MCC: variants seen among roughly 807,000 people sequenced by gnomAD.
The protein encoded by MCC is MCC regulator of Wnt signaling pathway, also known as colorectal mutant cancer protein.
MCC carries 90 observed loss-of-function variants against 116.2 expected under a neutral mutation model. The observed-to-expected ratio is 0.77, with a 90% CI of 0.65 to 0.92. The LOEUF is 0.92. Among genes scored for constraint, MCC ranks in the 40% least tolerant of loss-of-function variants. The pLI is 0.00. For missense variants in MCC, 1,516 were observed against 1,312.2 expected (o/e 1.16, Z -2.40); for synonymous variants, 578 against 510.5 (o/e 1.13, Z -1.78).
At chr5:113,322,778 A>C (rs1004586847) in intron 3 of MCC, among the ~76,000 whole-genome samples, 1 of 152,206 alleles carries the variant, frequency 6.6e-6, no homozygotes, top group Non-Finnish European at 1.5e-5. Context: ...CAAACAAGAA[A>C]CAAGTAAGCA....
intron 6 of MCC, among the ~76,000 whole-genome samples, chr5:113,119,581 G>C (rs78136219): frequency 2.0e-5 from 3 of 152,196 alleles, no homozygotes; most frequent in African/African-American, 4.8e-5. Flanking sequence ...TGCGTGCTGA[G>C]GAAGCTAGAA....
At chr5:113,082,128 C>A (rs915892932) in intron 11 of MCC, among the ~76,000 whole-genome samples, 1 of 152,228 alleles carries the variant, frequency 6.6e-6, no homozygotes, top group African/African-American at 2.4e-5. Context: ...TGGCATGACA[C>A]ATAAGAGAGT....
intron 3 of MCC, among the ~76,000 whole-genome samples, chr5:113,215,300 G>A (rs986134916): frequency 1.3e-5 from 2 of 152,244 alleles, no homozygotes; most frequent in African/African-American, 4.8e-5. Flanking sequence ...AGGAAAGGGA[G>A]ATTAGAATGG....
intron 16 of MCC, among the ~76,000 whole-genome samples, chr5:113,045,750 G>A (rs1360792683): frequency 6.8e-6 from 1 of 147,090 alleles, no homozygotes; most frequent in African/African-American, 2.5e-5. Context: ...TGTGAGCTGA[G>A]ATCGCACCAC....
chr5:113,198,396 G>C (rs1389112039), intron 3 of MCC, among the ~76,000 whole-genome samples: 1 of 152,004 alleles, frequency 6.6e-6, no homozygotes, highest in Non-Finnish European at 1.5e-5. Context: ...TAACCTTTTA[G>C]AAATGTACAG....
intron 17 of MCC, among the ~76,000 whole-genome samples, chr5:113,040,239 A>G (rs1751607960): frequency 6.6e-6 from 1 of 151,928 alleles, no homozygotes; most frequent in Admixed American, 6.6e-5. Flanking sequence ...GAGAAGATAC[A>G]CTGAGAGAGC....
chr5:113,257,366 C>G (rs1033252020), intron 3 of MCC, among the ~76,000 whole-genome samples: 4 of 151,870 alleles, frequency 2.6e-5, no homozygotes, highest in African/African-American at 9.7e-5. Flanking sequence ...CTCCAAGGAA[C>G]CCAGGAATAA....
At chr5:113,034,218 C>T (rs570002346) in intron 17 of MCC, among the ~76,000 whole-genome samples, 2 of 152,104 alleles carry the variant, frequency 1.3e-5, no homozygotes, top group Admixed American at 6.5e-5. Flanking sequence ...TTAATTGAAA[C>T]GTAATGTGGT....
At position 113,488,251 on chromosome 5, in the gene MCC, A is replaced by C; in HGVS notation, c.164T>G (p.Ile55Ser). The change falls in exon 1 of 19, where the codon ATC becomes AGC. Residue 55 changes from isoleucine to serine, a missense_variant. Physicochemically the swap from Ile to Ser is moderately radical, Grantham distance 142. Coordinates refer to ENST00000408903, the MANE Select transcript of MCC (RefSeq NM_001085377.2). ...QTCDGDGDGY[I>S]SRNDLLMVCR... Reference sequence around the variant, plus strand: ...CTCGTACCTCCCCGCGTACCTGCTGATGTATCCGTCCCCGTCGCCGTCGCA... The same window carrying C: ...CTCGTACCTCCCCGCGTACCTGCTGCTGTATCCGTCCCCGTCGCCGTCGCA... 1 of 1,594,106 alleles carries C rather than the reference A, an allele frequency of 6.3e-7. No individual in the cohort carries two copies. Among genetic ancestry groups the C allele is most frequent in the Admixed American group, 1.7e-5 (1 of 58,676 alleles).
At chr5:113,099,847 A>T (rs1756284922) in intron 8 of MCC, among the ~76,000 whole-genome samples, 1 of 152,266 alleles carries the variant, frequency 6.6e-6, no homozygotes, top group South Asian at 2.1e-4. Flanking sequence ...TCTAAACCAC[A>T]ATATGTAATT....
At chr5:113,429,089 C>G (rs996956247) in intron 1 of MCC, among the ~76,000 whole-genome samples, 1 of 152,156 alleles carries the variant, frequency 6.6e-6, no homozygotes. Context: ...TTTACATATA[C>G]TCTTTTTGAG....
chr5:113,339,932 G>T (rs1279552711), intron 3 of MCC, among the ~76,000 whole-genome samples: 1 of 152,244 alleles, frequency 6.6e-6, no homozygotes, highest in Non-Finnish European at 1.5e-5. Context: ...AAAATGGCCA[G>T]GCCATCGGCC....
At chr5:113,175,005 T>C (rs1162934129) in intron 3 of MCC, among the ~76,000 whole-genome samples, 1 of 152,072 alleles carries the variant, frequency 6.6e-6, no homozygotes, top group Admixed American at 6.6e-5. Flanking sequence ...CTTAGATGGG[T>C]ATTGAAGAAT....
At position 113,022,969 on chromosome 5, in the gene MCC, T is replaced by G. The variant is rs931384673; in HGVS notation, c.*4333A>C. On this transcript the variant is annotated 3_prime_UTR_variant, in exon 19 of 19. Coordinates refer to ENST00000408903, the MANE Select transcript of MCC (RefSeq NM_001085377.2). The stretch of plus-strand genomic sequence containing the variant: ...CTTTAAGCAAAAATGTATGGTGATC[T>G]GCATGTGAAACTGTCTTTCTCTACA... 6 of 152,222 alleles carry G rather than the reference T, an allele frequency of 3.9e-5. No individual in the cohort carries two copies. Among genetic ancestry groups the G allele is most frequent in the Non-Finnish European group, 8.8e-5 (6 of 68,046 alleles). 9.4% of individuals were successfully genotyped at this position (152,222 alleles called of 1,614,324 possible).
chr5:113,336,728 T>C (rs985757273), intron 3 of MCC, among the ~76,000 whole-genome samples: 1 of 152,212 alleles, frequency 6.6e-6, no homozygotes, highest in Non-Finnish European at 1.5e-5. Flanking sequence ...TTCTGTATAA[T>C]GTGTGGCCAT....
intron 2 of MCC, among the ~76,000 whole-genome samples, chr5:113,384,542 C>A (rs1429252423): frequency 6.6e-6 from 1 of 152,098 alleles, no homozygotes; most frequent in East Asian, 1.9e-4. Context: ...GAGCCGAGAT[C>A]CCGCCACTGC....
intron 3 of MCC, among the ~76,000 whole-genome samples, chr5:113,199,513 A>C (rs766843946): frequency 2.6e-4 from 40 of 152,172 alleles, no homozygotes; most frequent in Non-Finnish European, 4.9e-4. Context: ...TTCTGGGAGG[A>C]AAGTTTGCTG....
intron 3 of MCC, among the ~76,000 whole-genome samples, chr5:113,169,708 A>T (rs953324784): frequency 6.6e-6 from 1 of 152,182 alleles, no homozygotes; most frequent in South Asian, 2.1e-4. Context: ...CCCCAAGAGC[A>T]GTCACCTTTT....
chr5:113,135,204 C>T (rs1231978530), intron 5 of MCC, among the ~76,000 whole-genome samples: 18 of 150,742 alleles, frequency 1.2e-4, no homozygotes, highest in Middle Eastern at 3.4e-3. Flanking sequence ...TCCCAAGTTG[C>T]TGGGATTACA....
Sources: gnomAD v4.1 joint callset for allele counts (sites outside exome capture counted in the v4.1 genomes callset) on GRCh38, gnomAD v4.1.1 for gene constraint, MANE v1.5 for transcripts, NCBI Gene and HGNC (gene_info 2026-07-23, HGNC 2026-07-21) for gene names.